SRGAP3: variants seen among roughly 807,000 people sequenced by gnomAD.
SRGAP3 encodes the protein SLIT-ROBO Rho GTPase-activating protein 3.
Under a neutral mutation model 121.1 loss-of-function variants are expected in SRGAP3, and 39 were observed. The ratio of observed to expected loss-of-function variants is 0.32; its 90% CI spans 0.25 to 0.42. The LOEUF (loss-of-function observed/expected upper bound fraction) is 0.42, where lower values mean the gene tolerates loss of function less well. SRGAP3 is among the 10% of genes least tolerant of loss of function. SRGAP3 has a pLI of 1.00. For synonymous variants in SRGAP3, 601 were observed against 570.0 expected (o/e 1.05, Z -0.77); for missense variants, 1,213 against 1,470.6 (o/e 0.82, Z 2.86).
intron 1 of SRGAP3, among the ~76,000 whole-genome samples, chr3:9,151,054 T>C (rs1208611189): frequency 6.6e-6 from 1 of 152,200 alleles, no homozygotes; most frequent in Non-Finnish European, 1.5e-5. Flanking sequence ...CTATTTCCAC[T>C]TAGATTATGT....
intron 1 of SRGAP3, among the ~76,000 whole-genome samples, chr3:9,137,492 A>G (rs1949708073): frequency 6.6e-6 from 1 of 152,210 alleles, no homozygotes; most frequent in Admixed American, 6.5e-5. Flanking sequence ...TTTGAAAAAA[A>G]TAAGAGTTAT....
intron 1 of SRGAP3, among the ~76,000 whole-genome samples, chr3:9,170,406 C>A (rs1438687787): frequency 6.6e-6 from 1 of 152,098 alleles, no homozygotes; most frequent in East Asian, 1.9e-4. Flanking sequence ...GTGCGGGGAG[C>A]AGCGGGGTGG....
intron 1 of SRGAP3, among the ~76,000 whole-genome samples, chr3:9,210,110 T>C (rs975624266): frequency 4.6e-5 from 7 of 151,660 alleles, no homozygotes; most frequent in East Asian, 3.9e-4. Flanking sequence ...GGCAAATCTA[T>C]AGAGGCAGAA....
rs1372794964 is a variant in SRGAP3, at chr3:8,984,222, TAACTC to T, written c.*1292_*1296del. 4.4e-6 allele frequency: 1 copy of T among 229,872 alleles called. No homozygotes were observed. The highest frequency in any genetic ancestry group is 8.6e-6 in the Non-Finnish European group (1 of 116,004). The allele number at this position is 229,872 out of a possible 1,614,324, so 14.2% of individuals were successfully genotyped here. A position where few individuals can be genotyped will look rare whatever the true frequency, so the allele number is the denominator to read the frequency against. On this transcript the variant is annotated 3_prime_UTR_variant, in exon 22 of 22. Coordinates refer to ENST00000383836, the MANE Select transcript of SRGAP3 (RefSeq NM_014850.4). ...GGAAGGGAAGCTATGTCACTTGTAT[TAACTC>T]AACTGACAGTGTCCTCTAGGACAGA... is the stretch of plus-strand genomic sequence containing the variant.
chr3:9,016,041 T>C (rs968467618), intron 14 of SRGAP3: 10 of 401,710 alleles, frequency 2.5e-5, no homozygotes, highest in African/African-American at 4.1e-5. Context: ...TGCTCCACTA[T>C]TTGAGATTAT....
At chr3:9,327,628 A>G (rs1217223816) in intron 2 of SRGAP3, among the ~76,000 whole-genome samples, 1 of 152,204 alleles carries the variant, frequency 6.6e-6, no homozygotes. Context: ...AGAAATGCAG[A>G]TAAGGTCTGA....
At chr3:9,338,192 T>TG (rs972684032) in intron 1 of SRGAP3, among the ~76,000 whole-genome samples, 2 of 152,032 alleles carry the variant, frequency 1.3e-5, no homozygotes, top group East Asian at 1.9e-4. Flanking sequence ...GGCTTGCACT[T>TG]GGGGGGGAAT....
At chr3:9,245,306 C>T (rs1186990350) in intron 1 of SRGAP3, among the ~76,000 whole-genome samples, 8 of 152,164 alleles carry the variant, frequency 5.3e-5, no homozygotes, top group Non-Finnish European at 8.8e-5. Flanking sequence ...CCTTCTACTG[C>T]CTGCACTGAG....
intron 10 of SRGAP3, among the ~76,000 whole-genome samples, chr3:9,041,653 C>T (rs534906288): frequency 5.4e-4 from 82 of 152,344 alleles, no homozygotes; most frequent in African/African-American, 1.9e-3. Context: ...CACCAACTAC[C>T]AGCAGTACTG....
intron 3 of SRGAP3, among the ~76,000 whole-genome samples, chr3:9,278,246 G>A (rs1202964453): frequency 6.6e-6 from 1 of 152,164 alleles, no homozygotes; most frequent in African/African-American, 2.4e-5. Flanking sequence ...ATTGTGTCAG[G>A]CCTCCTCCAA....
Position 9,223,873 on chromosome 3 carries a change from T to C in SRGAP3, c.67+25012A>G, listed in dbSNP as rs972039114. Among the ~76,000 whole-genome samples the C allele has an allele frequency of 2.0e-5, 3 of 152,344 alleles. No individual in the cohort carries two copies. The East Asian group carries it at 5.8e-4, about 29-fold the overall frequency. On this transcript the variant is annotated intron_variant, in intron 1 of 21. Coordinates refer to ENST00000383836, the MANE Select transcript of SRGAP3 (RefSeq NM_014850.4). ...GGAAGGGTTGCTGTGAGATTCGATT[T>C]GTTTCCATTAAAGAACATCAATTAA...
At chr3:9,037,963 G>T in intron 11 of SRGAP3, 100 bp downstream of exon 11, 3 of 1,510,814 alleles carry the variant, frequency 2.0e-6, no homozygotes, top group Non-Finnish European at 1.8e-6. Context: ...TGGTGAAGAA[G>T]CCATCCCTGC....
At chr3:9,362,111 T>A (rs2125299817) in intron 1 of SRGAP3, among the ~76,000 whole-genome samples, 1 of 151,416 alleles carries the variant, frequency 6.6e-6, no homozygotes, top group Non-Finnish European at 1.5e-5. Flanking sequence ...GGCTTCTGAC[T>A]GGAAGCTAGG....
chr3:8,995,642 T>C (rs1335705159), intron 18 of SRGAP3, among the ~76,000 whole-genome samples: 1 of 152,162 alleles, frequency 6.6e-6, no homozygotes, highest in East Asian at 1.9e-4. Flanking sequence ...AGTTTAAGTG[T>C]TTTAAACTGC....
intron 1 of SRGAP3, chr3:9,348,930 C>A: frequency 2.0e-6 from 2 of 983,960 alleles, no homozygotes; most frequent in Non-Finnish European, 3.3e-6. Flanking sequence ...AAGGCTCTGC[C>A]CTTTTGGAAT....
chr3:9,185,386 G>A (rs945860015), intron 1 of SRGAP3, among the ~76,000 whole-genome samples: 2 of 152,198 alleles, frequency 1.3e-5, no homozygotes, highest in Non-Finnish European at 2.9e-5. Context: ...GACTGGAGTG[G>A]TCAAAGAGGG....
intron 1 of SRGAP3, among the ~76,000 whole-genome samples, chr3:9,159,226 C>T (rs1258265238): frequency 3.3e-5 from 5 of 152,090 alleles, no homozygotes; most frequent in Non-Finnish European, 7.4e-5. Flanking sequence ...TGGTATATTC[C>T]CAGCCTCGGC....
At chr3:9,186,851 G>C (rs1049164288) in intron 1 of SRGAP3, among the ~76,000 whole-genome samples, 1 of 152,162 alleles carries the variant, frequency 6.6e-6, no homozygotes, top group Non-Finnish European at 1.5e-5. Context: ...CAGAGGAACA[G>C]CTTGTCATTT....
intron 1 of SRGAP3, among the ~76,000 whole-genome samples, chr3:9,133,580 GT>G (rs1461699204): frequency 2.0e-5 from 3 of 152,158 alleles, no homozygotes; most frequent in Middle Eastern, 3.4e-3. Flanking sequence ...TCCACTGTAA[GT>G]TTTTTTTAGC....
Sources: allele counts gnomAD v4.1 joint callset (sites outside exome capture counted in the v4.1 genomes callset), GRCh38; gene constraint gnomAD v4.1.1; transcripts MANE v1.5; gene names NCBI Gene and HGNC (gene_info 2026-07-23, HGNC 2026-07-21).